The following CRTC1 variants were observed in gnomAD, a reference collection of about 807,000 sequenced individuals.
CRTC1 encodes the protein CREB-regulated transcription coactivator 1.
CRTC1 carries 18 observed loss-of-function variants against 66.1 expected under a neutral mutation model. The ratio of observed to expected loss-of-function variants is 0.27; its 90% CI spans 0.19 to 0.40. The LOEUF is 0.40. Ranked by LOEUF, CRTC1 falls within the 10% of genes least tolerant of loss-of-function variation. The pLI is 1.00. For missense variants in CRTC1, 669 were observed against 887.9 expected, an observed-to-expected ratio of 0.75 and a Z score of 3.13; for synonymous variants, 416 against 398.8, an observed-to-expected ratio of 1.04 and a Z score of -0.51.
chr19:18,757,170 G>A (rs187982299), intron 6 of CRTC1, among the ~76,000 whole-genome samples: 4 of 152,226 alleles, frequency 2.6e-5, no homozygotes, highest in African/African-American at 4.8e-5. Flanking sequence ...CCCCAGGGGC[G>A]GAAACGTGTC....
intron 8 of CRTC1, among the ~76,000 whole-genome samples, chr19:18,764,426 C>T (rs1600987422): frequency 1.3e-5 from 2 of 152,362 alleles, no homozygotes; most frequent in Non-Finnish European, 2.9e-5. Context: ...CGCAGGGGTC[C>T]TCCTGCCATC....
At chr19:18,776,929 C>A (rs2055001985) in intron 13 of CRTC1, among the ~76,000 whole-genome samples, 3 of 152,188 alleles carry the variant, frequency 2.0e-5, no homozygotes, top group Non-Finnish European at 2.9e-5. Flanking sequence ...CTCCTTGGTG[C>A]TCCTGACATC....
At position 18,760,283 on chromosome 19, in the gene CRTC1, G is replaced by A. The variant is rs2054585765; in HGVS notation, c.886+55G>A. On this transcript the variant is annotated intron_variant, in intron 8 of 13. Transcript: ENST00000321949. This position sits in a 1 kb window ranked among gnomAD's most constrained non-coding sequence, Gnocchi z 6.2. Reference sequence around the variant, plus strand: ...GAGCACTGGCTTGTGGAGACAACACGGGCATCTGCAGGATGACTTGGCAGA... The same window carrying A: ...GAGCACTGGCTTGTGGAGACAACACAGGCATCTGCAGGATGACTTGGCAGA... The A allele has an allele frequency of 6.5e-6, 9 of 1,380,926 alleles. No homozygotes were observed. Among genetic ancestry groups the A allele is most frequent in the Middle Eastern group, 3.9e-4 (2 of 5,122 alleles). 85.5% of individuals were successfully genotyped at this position (1,380,926 alleles called of 1,614,324 possible). A position where few individuals can be genotyped will look rare whatever the true frequency, so the allele number is the denominator to read the frequency against.
chr19:18,780,152 G>A lies in CRTC1; in HGVS notation c.*2770G>A, dbSNP rs554863518. Reference sequence around the variant, plus strand: ...CAGGCCCACGTGGGGAGGTTGCGCCGTGTACATAGACCCGCCGTCTGTGTC... The same window carrying A: ...CAGGCCCACGTGGGGAGGTTGCGCCATGTACATAGACCCGCCGTCTGTGTC... On this transcript the variant is annotated 3_prime_UTR_variant, in exon 14 of 14. Transcript: ENST00000321949. The A allele has an allele frequency of 8.5e-4, 196 of 231,866 alleles. No homozygotes were observed. Among genetic ancestry groups the A allele is most frequent in the African/African-American group, 3.9e-3 (179 of 45,324 alleles). 14.4% of individuals were successfully genotyped at this position (231,866 alleles called of 1,614,324 possible). A position where few individuals can be genotyped will look rare whatever the true frequency, so the allele number is the denominator to read the frequency against.
chr19:18,723,985 G>A (rs1377334411), intron 1 of CRTC1, among the ~76,000 whole-genome samples: 3 of 152,198 alleles, frequency 2.0e-5, no homozygotes, highest in African/African-American at 4.8e-5. Flanking sequence ...GTCACCCCAG[G>A]CAGAAGCAGA....
At chr19:18,708,714 T>A (rs1600803101) in intron 1 of CRTC1, among the ~76,000 whole-genome samples, 1 of 152,112 alleles carries the variant, frequency 6.6e-6, no homozygotes, top group Non-Finnish European at 1.5e-5. Context: ...GGGACCGAGG[T>A]CAGGGCTCCT....
chr19:18,708,534 G>A (rs899279149), intron 1 of CRTC1, among the ~76,000 whole-genome samples: 2 of 152,192 alleles, frequency 1.3e-5, no homozygotes, highest in African/African-American at 4.8e-5. Flanking sequence ...GGACCATGAC[G>A]AGCCTGGTGA....
intron 8 of CRTC1, 77 bp from the exon 9 acceptor site, chr19:18,765,327 G>T: frequency 1.3e-6 from 2 of 1,541,364 alleles, no homozygotes; most frequent in South Asian, 1.2e-5. Flanking sequence ...CATGCAGTGT[G>T]ACTGTGGGTG....
At chr19:18,746,827 G>A (rs1029358403) in intron 3 of CRTC1, among the ~76,000 whole-genome samples, 1 of 152,208 alleles carries the variant, frequency 6.6e-6, no homozygotes, top group African/African-American at 2.4e-5. Flanking sequence ...AGAGTGCTGA[G>A]TGCTAGGTGG....
At chr19:18,708,465 A>T (rs1362093775) in intron 1 of CRTC1, among the ~76,000 whole-genome samples, 1 of 152,096 alleles carries the variant, frequency 6.6e-6, no homozygotes, top group Non-Finnish European at 1.5e-5. Flanking sequence ...CAGCATCAGG[A>T]AGATCATGGC....
rs140634992 is a variant in CRTC1, at chr19:18,690,415, G to A, written c.126+6587G>A. 1.7e-3 allele frequency among the ~76,000 whole-genome samples: 266 copies of A among 152,192 alleles called. 2 individuals carry two copies. Among genetic ancestry groups the A allele is most frequent in the African/African-American group, 5.9e-3 (245 of 41,530 alleles). On this transcript the variant is annotated intron_variant, in intron 1 of 13. Transcript: ENST00000321949. ...CTGCTTCAGCTGTCTGCTGCCATCC[G>A]CAGCCTCCATATACAGGCAGGACTC... is the stretch of plus-strand genomic sequence containing the variant.
At chr19:18,726,245 A>G (rs1482529990) in intron 1 of CRTC1, among the ~76,000 whole-genome samples, 2 of 152,252 alleles carry the variant, frequency 1.3e-5, no homozygotes, top group Non-Finnish European at 2.9e-5. Context: ...CGGCGCTCCC[A>G]GCCACCTGCC....
rs1033847480 is a variant in CRTC1 at position 18,771,737 on chromosome 19, G to A, written c.1425+191G>A. ...TGCACCAGGGCAGGAACCCCACAGG[G>A]TCCTTCCCAGGAGCCGCCAGAGCCT... is the stretch of plus-strand genomic sequence containing the variant. On this transcript the variant is annotated intron_variant, in intron 11 of 13. Coordinates refer to ENST00000321949, the MANE Select transcript of CRTC1 (RefSeq NM_015321.3). This position sits in a 1 kb window ranked among gnomAD's most constrained non-coding sequence, Gnocchi z 4.6. Among the ~76,000 whole-genome samples the A allele has an allele frequency of 6.5e-4, 99 of 152,306 alleles. No individual in the cohort carries two copies. Among genetic ancestry groups the A allele is most frequent in the African/African-American group, 2.2e-3 (93 of 41,566 alleles).
chr19:18,703,122 A>G (rs2053184875), intron 1 of CRTC1, among the ~76,000 whole-genome samples: 1 of 151,826 alleles, frequency 6.6e-6, no homozygotes, highest in Non-Finnish European at 1.5e-5. Flanking sequence ...AGCTGGGACT[A>G]CAGGCGCCTG....
chr19:18,691,331 CA>C (rs1453805200), intron 1 of CRTC1, among the ~76,000 whole-genome samples: 1 of 151,662 alleles, frequency 6.6e-6, no homozygotes, highest in African/African-American at 2.4e-5. Flanking sequence ...GCCTGGGCCA[CA>C]AAGAGGGAAC....
chr19:18,751,943 T>A (rs757295413), intron 5 of CRTC1, among the ~76,000 whole-genome samples: 14 of 151,814 alleles, frequency 9.2e-5, no homozygotes, highest in Non-Finnish European at 1.6e-4. Context: ...GTGGGCAGAT[T>A]GCTTGAGATC....
intron 1 of CRTC1, among the ~76,000 whole-genome samples, chr19:18,692,689 G>A (rs914213638): frequency 1.3e-5 from 2 of 152,072 alleles, no homozygotes; most frequent in Non-Finnish European, 2.9e-5. Context: ...TGGACCCTCA[G>A]CGTGTGTGAA....
At chr19:18,715,536 A>G (rs768570844) in intron 1 of CRTC1, among the ~76,000 whole-genome samples, 6 of 152,166 alleles carry the variant, frequency 3.9e-5, no homozygotes, top group Non-Finnish European at 8.8e-5. Flanking sequence ...CAGGACTTGG[A>G]CATACTTTTC....
intron 2 of CRTC1, among the ~76,000 whole-genome samples, chr19:18,745,521 C>G (rs1365250406): frequency 6.6e-6 from 1 of 152,186 alleles, no homozygotes; most frequent in Admixed American, 6.5e-5. Flanking sequence ...TCCCTGGCAC[C>G]CGGCGGGCGC....
Sources: allele counts gnomAD v4.1 joint callset (sites outside exome capture counted in the v4.1 genomes callset), GRCh38; gene constraint gnomAD v4.1.1; non-coding constraint Gnocchi (gnomAD v3.1); transcripts MANE v1.5; gene names NCBI Gene and HGNC (gene_info 2026-07-23, HGNC 2026-07-21).